ANKK1: variants seen among roughly 807,000 people sequenced by gnomAD.
ANKK1 encodes the protein ankyrin repeat and protein kinase domain-containing protein 1.
ANKK1 carries 37 observed loss-of-function variants against 37.6 expected under a neutral mutation model. The ratio of observed to expected loss-of-function variants is 0.98; its 90% CI spans 0.76 to 1.29. The LOEUF is 1.29. Ranked by LOEUF, ANKK1 falls within the 50% of genes most tolerant of loss-of-function variation. ANKK1 has a pLI of 0.00. For synonymous variants in ANKK1, 415 were observed against 418.7 expected (o/e 0.99, Z 0.11); for missense variants, 1,019 against 990.6 (o/e 1.03, Z -0.39).
intron 6 of ANKK1, 28 bp from the exon 7 acceptor site, chr11:113,397,952 A>T: frequency 1.9e-6 from 3 of 1,554,660 alleles, no homozygotes; most frequent in Non-Finnish European, 2.6e-6. Context: ...ACTGATCTCC[A>T]CCCTGCCTGC....
At position 113,387,974 on chromosome 11, in the gene ANKK1, C is replaced by A; in HGVS notation, c.90C>A (p.Ser30Arg). The A allele has an allele frequency of 5.1e-6, 8 of 1,571,694 alleles. No homozygotes were observed. Among genetic ancestry groups the A allele is most frequent in the Non-Finnish European group, 6.9e-6 (8 of 1,164,790 alleles). ...AGGGCGACTGGCGCCTAGTGGCCAGCGGCGGCTTCAGCCAGGTGTTCCAGG... is the reference window on the plus strand; with the variant it reads ...AGGGCGACTGGCGCCTAGTGGCCAGAGGCGGCTTCAGCCAGGTGTTCCAGG... ...DFEGDWRLVA[S>R]GGFSQVFQAR... Residue 30 changes from serine to arginine, a missense_variant, in exon 1 of 8, where the codon AGC becomes AGA. Ser to Arg is a moderately radical substitution (Grantham distance 110, BLOSUM62 -1). Coordinates refer to ENST00000303941, the MANE Select transcript of ANKK1 (RefSeq NM_178510.2).
chr11:113,391,872 C>G (rs1425288095), intron 1 of ANKK1, among the ~76,000 whole-genome samples: 1 of 152,004 alleles, frequency 6.6e-6, no homozygotes, highest in African/African-American at 2.4e-5. Context: ...AGTGACCAGA[C>G]AAGTAGGAGA....
In ANKK1 at chr11:113,396,184, G is replaced by C; in HGVS notation, c.800G>C (p.Cys267Ser). The C allele has an allele frequency of 6.2e-7, 1 of 1,613,976 alleles. No homozygotes were observed. Among genetic ancestry groups the C allele is most frequent in the Non-Finnish European group, 8.5e-7 (1 of 1,179,888 alleles). Reference protein sequence around the residue: ...AQQMVDLMKRCWDQDPKKRPC... With the variant: ...AQQMVDLMKRSWDQDPKKRPC... The stretch of plus-strand genomic sequence containing the variant: ...CAGATGGTGGACCTGATGAAACGCT[G>C]CTGGGACCAGGACCCCAAGAAGAGG... The change falls in exon 5 of 8, where the codon TGC becomes TCC. Residue 267 changes from cysteine to serine, a missense_variant. Transcript: ENST00000303941.
chr11:113,400,380 A>AAAT lies in ANKK1; in HGVS notation c.*114_*115insATA, dbSNP rs1461637635. On this transcript the variant is annotated 3_prime_UTR_variant, in exon 8 of 8. Transcript: ENST00000303941. ...GAGGCCAGCCTGGCCAACATGGCAA[A>AAAT]ACCCTGTCTCTGCTAAAAATACAAA... 9.0e-7 allele frequency: 1 copy of AAAT among 1,110,628 alleles called. No individual in the cohort carries two copies. The highest frequency in any genetic ancestry group is 1.6e-5 in the African/African-American group (1 of 63,212). The allele number at this position is 1,110,628 out of a possible 1,614,324, so 68.8% of individuals were successfully genotyped here. A position where few individuals can be genotyped will look rare whatever the true frequency, so the allele number is the denominator to read the frequency against.
chr11:113,394,320 T>C (rs746730994), intron 2 of ANKK1, among the ~76,000 whole-genome samples: 7 of 152,232 alleles, frequency 4.6e-5, no homozygotes, highest in African/African-American at 7.2e-5. Flanking sequence ...CATAGGTATA[T>C]AATCATTAGT....
At position 113,399,967 on chromosome 11, in the gene ANKK1, G is replaced by A. The variant is rs189187004; in HGVS notation, c.1998G>A (p.Ala666=). 4.2e-5 allele frequency: 68 copies of A among 1,613,572 alleles called. No homozygotes were observed. Among genetic ancestry groups the A allele is most frequent in the South Asian group, 1.9e-4 (17 of 91,074 alleles). ...CAGGCTGGACACCCCTCCACCTGGC[G>A]GTCCAGAGGAGCACCTTCCTGAGTG... ...EQSGWTPLHL[A]VQRSTFLSVI... is the part of the protein sequence containing the mutation. The change falls in exon 8 of 8, where the codon GCG becomes GCA. Residue 666 remains alanine (A), a synonymous_variant. Transcript: ENST00000303941.
Position 113,397,330 on chromosome 11 carries a change from C to T in ANKK1, c.945C>T (p.Arg315=), listed in dbSNP as rs761574984. Residue 315 remains arginine, a synonymous_variant, in exon 6 of 8, where the codon CGC becomes CGT. Coordinates refer to ENST00000303941, the MANE Select transcript of ANKK1 (RefSeq NM_178510.2). ...AGGTGTCCTGCAAGCTGTCGCTGCG[C>T]CAGCCCGGGGAGGTGAGTGTGTGGG... ...ARKVSCKLSL[R]QPGEVNEDIS... is the part of the protein sequence containing the mutation. The T allele has an allele frequency of 6.2e-7, 1 of 1,612,482 alleles. No homozygotes were observed.
Position 113,399,131 on chromosome 11 carries a change from G to A in ANKK1, c.1162G>A (p.Val388Met), listed in dbSNP as rs763284159. Residue 388 changes from valine (V) to methionine (M), a missense_variant, in exon 8 of 8, where the codon GTG becomes ATG. Physicochemically the swap from Val to Met is conservative, Grantham distance 21. Transcript: ENST00000303941. ...GTTGCTGCTGGCCCACGAGGTAGAC[G>A]TGGACTGCCAGACGGCCTCTGGATA... is the stretch of plus-strand genomic sequence containing the variant. Reference protein sequence around the residue: ...VRLLLAHEVDVDCQTASGYTP... With the variant: ...VRLLLAHEVDMDCQTASGYTP... The A allele has an allele frequency of 6.0e-5, 96 of 1,594,552 alleles. No individual in the cohort carries two copies. Among genetic ancestry groups the A allele is most frequent in the Non-Finnish European group, 7.9e-5 (93 of 1,170,820 alleles).
chr11:113,396,333 C>T, intron 5 of ANKK1, 111 bp downstream of exon 5: 1 of 1,307,854 alleles, frequency 7.6e-7, no homozygotes, highest in South Asian at 1.5e-5. Context: ...GTACTACGGC[C>T]TAGAAGGACT....
In ANKK1 at chr11:113,393,712, G is replaced by C. The variant is rs201489078; in HGVS notation, c.417G>C (p.Pro139=). The change falls in exon 2 of 8, where the codon CCG becomes CCC. Residue 139 remains proline (P), a synonymous_variant. Coordinates refer to ENST00000303941, the MANE Select transcript of ANKK1 (RefSeq NM_178510.2). ...LAMNFLHSIK[P]PLLHLDLKPG... ...TGAACTTCCTGCACAGCATTAAGCC[G>C]CCTCTGCTCCACCTGGACCTCAAGC... 4 of 1,613,562 alleles carry C rather than the reference G, an allele frequency of 2.5e-6. No individual in the cohort carries two copies. The South Asian group carries it at 4.4e-5, about 18-fold the overall frequency.
At chr11:113,392,251 G>A (rs571984122) in intron 1 of ANKK1, among the ~76,000 whole-genome samples, 1 of 152,336 alleles carries the variant, frequency 6.6e-6, no homozygotes, top group Non-Finnish European at 1.5e-5. Context: ...TTTGAAATCA[G>A]GGCAGTGTGA....
chr11:113,387,856 C>T lies in ANKK1; in HGVS notation c.-29C>T. 3 of 1,467,324 alleles carry T rather than the reference C, an allele frequency of 2.0e-6. No homozygotes were observed. The highest frequency in any genetic ancestry group is 2.3e-4 in the Middle Eastern group (1 of 4,316). 90.9% of individuals were successfully genotyped at this position (1,467,324 alleles called of 1,614,324 possible). On this transcript the variant is annotated 5_prime_UTR_variant, in exon 1 of 8. Coordinates refer to ENST00000303941, the MANE Select transcript of ANKK1 (RefSeq NM_178510.2). ...CAGGCAGCAGCCACAGCGGGGAGTG[C>T]GCGGCGCGGGGACAGGAAGAGAGGG...
chr11:113,399,662 C>T lies in ANKK1; in HGVS notation c.1693C>T (p.His565Tyr), dbSNP rs1329876171. ...ALDQSGYGPL[H>Y]TAAARGKYLI... ...TGACCAGAGCGGCTACGGCCCACTG[C>T]ACACTGCAGCTGCCAGGGGCAAATA... The change falls in exon 8 of 8, where the codon CAC (histidine) becomes TAC (tyrosine). Residue 565 changes from histidine (H) to tyrosine (Y), a missense_variant. Transcript: ENST00000303941. 1.9e-6 allele frequency: 3 copies of T among 1,601,116 alleles called. No individual in the cohort carries two copies. Among genetic ancestry groups the T allele is most frequent in the Non-Finnish European group, 2.6e-6 (3 of 1,174,128 alleles).
intron 1 of ANKK1, 111 bp downstream of exon 1, chr11:113,388,180 G>A: frequency 7.6e-7 from 1 of 1,316,440 alleles, no homozygotes; most frequent in East Asian, 2.7e-5. Context: ...GCTGAGGACT[G>A]TCCCCCGCGG....
At position 113,399,241 on chromosome 11, in the gene ANKK1, G is replaced by A. The variant is rs779203170; in HGVS notation, c.1272G>A (p.Val424=). ...LLAHGADANR[V]DEDGWAPLHF... is the part of the protein sequence containing the mutation. ...CACATGGTGCTGATGCCAACCGAGT[G>A]GATGAGGATGGCTGGGCCCCACTGC... is the stretch of plus-strand genomic sequence containing the variant. The change falls in exon 8 of 8, where the codon GTG becomes GTA. Residue 424 remains valine (V), a synonymous_variant. Transcript: ENST00000303941. The A allele has an allele frequency of 6.2e-7, 1 of 1,607,540 alleles. No homozygotes were observed. The highest frequency in any genetic ancestry group is 8.5e-7 in the Non-Finnish European group (1 of 1,177,318).
intron 1 of ANKK1, among the ~76,000 whole-genome samples, chr11:113,392,947 G>A (rs948161710): frequency 6.6e-6 from 1 of 152,216 alleles, no homozygotes; most frequent in Non-Finnish European, 1.5e-5. Flanking sequence ...TACCTTGAAG[G>A]TGGATAGTAA....
At chr11:113,397,453 G>A (rs1326059175) in intron 6 of ANKK1, 111 bp downstream of exon 6, 7 of 842,332 alleles carry the variant, frequency 8.3e-6, no homozygotes, top group South Asian at 1.7e-5. Flanking sequence ...CCCAGCTTGG[G>A]GCCACCTCCA....
At chr11:113,389,807 T>C (rs1275216473) in intron 1 of ANKK1, among the ~76,000 whole-genome samples, 1 of 151,986 alleles carries the variant, frequency 6.6e-6, no homozygotes, top group Admixed American at 6.6e-5. Context: ...ATGGCTGGAG[T>C]TGGGAGAGTA....
intron 3 of ANKK1, 131 bp downstream of exon 3, chr11:113,395,211 C>T (rs1041203749): frequency 6.7e-7 from 1 of 1,489,038 alleles, no homozygotes; most frequent in South Asian, 1.3e-5. Context: ...AGGACTCTGG[C>T]TGGAGAGGCA....
Sources: allele counts gnomAD v4.1 joint callset (sites outside exome capture counted in the v4.1 genomes callset), GRCh38; gene constraint gnomAD v4.1.1; transcripts MANE v1.5; gene names NCBI Gene and HGNC (gene_info 2026-07-23, HGNC 2026-07-21).